RABGAP1L: variants seen among roughly 807,000 people sequenced by gnomAD.
The protein encoded by RABGAP1L is rab GTPase-activating protein 1-like.
In RABGAP1L, 63 loss-of-function variants were observed where a neutral mutation model predicts 137.7. The ratio of observed to expected loss-of-function variants is 0.46; its 90% CI spans 0.37 to 0.56. The LOEUF (loss-of-function observed/expected upper bound fraction) is 0.56, where lower values mean the gene tolerates loss of function less well. Among genes scored for constraint, RABGAP1L ranks in the 20% least tolerant of loss-of-function variants. The pLI is 0.00. For missense variants in RABGAP1L, 1,095 were observed against 1,244.0 expected (o/e 0.88, Z 1.80); for synonymous variants, 431 against 433.7 (o/e 0.99, Z 0.08).
chr1:174,662,477 C>T (rs1478215141), intron 14 of RABGAP1L, among the ~76,000 whole-genome samples: 4 of 151,940 alleles, frequency 2.6e-5, no homozygotes, highest in African/African-American at 7.3e-5. Flanking sequence ...AGTGCAGTGG[C>T]GCAATCTCGG....
Position 174,838,578 on chromosome 1 carries a change from A to G in RABGAP1L, c.2340+26618A>G, listed in dbSNP as rs187824647. Among the ~76,000 whole-genome samples the G allele has an allele frequency of 7.2e-5, 11 of 152,222 alleles. No homozygotes were observed. In the East Asian group the frequency reaches 9.6e-4, roughly 13 times the overall value. On this transcript the variant is annotated intron_variant, in intron 19 of 25. Coordinates refer to ENST00000681986, the MANE Select transcript of RABGAP1L (RefSeq NM_001366446.1). The stretch of plus-strand genomic sequence containing the variant: ...TCTTAGGAAATTTTTAATTTGAAAT[A>G]GAGAGTATTATTTGATAGGAGCAAA...
chr1:174,806,642 GCTAGGATGGTGAGATAGTAGCA>G (rs1380794336), intron 18 of RABGAP1L, among the ~76,000 whole-genome samples: 1 of 152,178 alleles, frequency 6.6e-6, no homozygotes, highest in South Asian at 2.1e-4. Flanking sequence ...AATAATTAGT[GCTAGGATGGTGAGATAGTAGCA>G]CTAGGATGGT....
intron 13 of RABGAP1L, among the ~76,000 whole-genome samples, chr1:174,505,284 T>A (rs1458724421): frequency 6.6e-6 from 1 of 152,180 alleles, no homozygotes; most frequent in Non-Finnish European, 1.5e-5. Flanking sequence ...GCTGTTAGAT[T>A]GTGATTTTTG....
chr1:174,406,677 T>TG (rs5778804), intron 13 of RABGAP1L, among the ~76,000 whole-genome samples: 89,529 of 152,078 alleles, frequency 0.59, 29,310 homozygotes, highest in African/African-American at 0.9. Flanking sequence ...GGCTCATGCT[T>TG]TAATCTCAAT....
Position 174,968,747 on chromosome 1 carries a change from T to G in RABGAP1L, c.2434-530T>G, listed in dbSNP as rs561266821. Among the ~76,000 whole-genome samples the G allele has an allele frequency of 3.9e-5, 6 of 152,324 alleles. No individual in the cohort carries two copies. The South Asian group carries it at 1.2e-3, about 32-fold the overall frequency. On this transcript the variant is annotated intron_variant, in intron 20 of 25. Coordinates refer to ENST00000681986, the MANE Select transcript of RABGAP1L (RefSeq NM_001366446.1). ...TATTCTTACTCAAAGAATAAAAATG[T>G]CAGCTGTTAGCAAAGTCATGAACCC...
rs148986541 is a variant in RABGAP1L, at chr1:174,883,370, G to T, written c.2340+71410G>T. ...GGAACTAATCAGACTATTTGAAGAA[G>T]GTCTAAAGGAAGAAGTGGGATGAAT... On this transcript the variant is annotated intron_variant, in intron 19 of 25. Transcript: ENST00000681986. Among the ~76,000 whole-genome samples, 6 of 152,270 alleles carry T rather than the reference G, an allele frequency of 3.9e-5. No homozygotes were observed. The East Asian group carries it at 7.7e-4, about 20-fold the overall frequency.
intron 14 of RABGAP1L, among the ~76,000 whole-genome samples, chr1:174,676,694 G>A (rs1253958766): frequency 6.6e-6 from 1 of 152,180 alleles, no homozygotes; most frequent in African/African-American, 2.4e-5. Flanking sequence ...AGCATGGTCA[G>A]TAGTATTCCA....
chr1:174,917,190 TGTTAGGGCTTCAGTATCTCA>T (rs1661020091), intron 19 of RABGAP1L, among the ~76,000 whole-genome samples: 1 of 152,172 alleles, frequency 6.6e-6, no homozygotes, highest in Admixed American at 6.5e-5. Flanking sequence ...TCACATTGGC[TGTTAGGGCTTCAGTATCTCA>T]GTGTGGGAGT....
chr1:174,338,069 C>T (rs1681636408), intron 11 of RABGAP1L, among the ~76,000 whole-genome samples: 1 of 152,076 alleles, frequency 6.6e-6, no homozygotes. Flanking sequence ...TATTTGGGCT[C>T]TTGACCTTTT....
At chr1:174,843,497 G>A (rs1322613892) in intron 19 of RABGAP1L, among the ~76,000 whole-genome samples, 6 of 146,146 alleles carry the variant, frequency 4.1e-5, no homozygotes, top group South Asian at 2.3e-4. Flanking sequence ...TTGTTCTTGC[G>A]ATAGTTTACT....
chr1:174,612,588 A>T (rs1025638051), intron 13 of RABGAP1L, among the ~76,000 whole-genome samples: 1 of 151,980 alleles, frequency 6.6e-6, no homozygotes, highest in Non-Finnish European at 1.5e-5. Context: ...GTTAGGGAGG[A>T]TTCCCTCTTT....
chr1:174,336,872 TGTGTGTGTGTGTGA>T (rs1681520322), intron 11 of RABGAP1L, among the ~76,000 whole-genome samples: 1 of 142,404 alleles, frequency 7.0e-6, no homozygotes, highest in Non-Finnish European at 1.5e-5. Flanking sequence ...TGTGTGTGTG[TGTGTGTGTGTGTGA>T]GAGAGAGAGA....
intron 19 of RABGAP1L, among the ~76,000 whole-genome samples, chr1:174,829,999 G>GTGGT (rs1263246515): frequency 7.4e-5 from 11 of 147,990 alleles, no homozygotes; most frequent in African/African-American, 2.7e-4. Context: ...AGTTGGCTAG[G>GTGGT]TGGTTCTTCT....
intron 1 of RABGAP1L, among the ~76,000 whole-genome samples, chr1:174,207,816 T>G (rs1458130433): frequency 6.6e-6 from 1 of 152,162 alleles, no homozygotes; most frequent in African/African-American, 2.4e-5. Context: ...TGTCTCCTGG[T>G]GTGAATTTTG....
At chr1:174,183,410 G>A (rs983240659) in intron 1 of RABGAP1L, among the ~76,000 whole-genome samples, 1 of 152,066 alleles carries the variant, frequency 6.6e-6, no homozygotes, top group African/African-American at 2.4e-5. Context: ...ACAGGTGTGA[G>A]CCACTGTGCG....
intron 15 of RABGAP1L, among the ~76,000 whole-genome samples, chr1:174,688,249 T>G (rs1163047338): frequency 6.6e-6 from 1 of 152,136 alleles, no homozygotes; most frequent in Non-Finnish European, 1.5e-5. Context: ...TAAAATATTT[T>G]AGATAATTTG....
chr1:174,743,384 A>G (rs2760057), intron 17 of RABGAP1L, among the ~76,000 whole-genome samples: 56,632 of 151,950 alleles, frequency 0.37, 13,902 homozygotes, highest in African/African-American at 0.7. Context: ...TTAAGGTTCA[A>G]GCTTCAAGAC....
chr1:174,247,892 C>CT lies in RABGAP1L; in HGVS notation c.718-2574dup, dbSNP rs370843553. Among the ~76,000 whole-genome samples the CT allele has an allele frequency of 1.3e-3, 191 of 150,906 alleles. 1 individual carries two copies. The highest frequency in any genetic ancestry group is 6.4e-3 in the East Asian group (33 of 5,128). On this transcript the variant is annotated intron_variant, in intron 5 of 25. Coordinates refer to ENST00000681986, the MANE Select transcript of RABGAP1L (RefSeq NM_001366446.1). ...CCCTCTGTCTCTGTATGGGGAGCCG[C>CT]TTTTTTTTTGCCCTTGTTTCTTGCC...
At chr1:174,574,003 G>A (rs951400730) in intron 13 of RABGAP1L, among the ~76,000 whole-genome samples, 1 of 152,210 alleles carries the variant, frequency 6.6e-6, no homozygotes, top group African/African-American at 2.4e-5. Flanking sequence ...ATGTCTCTGA[G>A]CAGCCAGCCT....
Sources: gnomAD v4.1 joint callset for allele counts (sites outside exome capture counted in the v4.1 genomes callset) on GRCh38, gnomAD v4.1.1 for gene constraint, MANE v1.5 for transcripts, NCBI Gene and HGNC (gene_info 2026-07-23, HGNC 2026-07-21) for gene names.